Variants in RBFOX1 observed in about 807,000 individuals in gnomAD.
RBFOX1 encodes RNA binding fox-1 homolog 1.
RBFOX1 carries 8 observed loss-of-function variants against 57.7 expected under a neutral mutation model. The observed-to-expected ratio is 0.14, with a 90% CI of 0.08 to 0.25. The LOEUF (loss-of-function observed/expected upper bound fraction) is 0.25, where lower values mean the gene tolerates loss of function less well. Among genes scored for constraint, RBFOX1 ranks in the 10% least tolerant of loss-of-function variants. The probability of loss-of-function intolerance (pLI) is 1.00; values close to 1 mark genes in which losing one functional copy is unlikely to be tolerated. For synonymous variants in RBFOX1, 326 were observed against 222.4 expected, an observed-to-expected ratio of 1.47 and a Z score of -4.15; for missense variants, 611 against 548.5, an observed-to-expected ratio of 1.11 and a Z score of -1.14.
intron 4 of RBFOX1, among the ~76,000 whole-genome samples, chr16:7,201,590 G>T (rs1473809868): frequency 3.9e-5 from 6 of 151,950 alleles, no homozygotes; most frequent in Non-Finnish European, 5.9e-5. Flanking sequence ...AGCCTCCCAA[G>T]TGGCTGGGAT....
At chr16:5,523,349 T>G (rs4786035) in intron 2 of RBFOX1, among the ~76,000 whole-genome samples, 1 of 151,984 alleles carries the variant, frequency 6.6e-6, no homozygotes, top group Non-Finnish European at 1.5e-5. Flanking sequence ...GGCGCGGTGG[T>G]TTATGCCTGT....
chr16:6,908,949 C>T (rs1232849495), intron 3 of RBFOX1, among the ~76,000 whole-genome samples: 2 of 152,106 alleles, frequency 1.3e-5, no homozygotes, highest in Non-Finnish European at 2.9e-5. Context: ...ATCTGTGCTT[C>T]CCCCCAACAC....
At chr16:6,469,439 C>A (rs1346368950) in intron 2 of RBFOX1, among the ~76,000 whole-genome samples, 2 of 152,128 alleles carry the variant, frequency 1.3e-5, no homozygotes, top group Non-Finnish European at 2.9e-5. Flanking sequence ...GGATTTCCTT[C>A]GTTGATTGAG....
At chr16:5,960,509 G>A (rs550655101) in intron 4 of RBFOX1, among the ~76,000 whole-genome samples, 2 of 152,174 alleles carry the variant, frequency 1.3e-5, no homozygotes, top group African/African-American at 4.8e-5. Flanking sequence ...ACATTCCCCA[G>A]ATGTAGCTAT....
intron 1 of RBFOX1, among the ~76,000 whole-genome samples, chr16:5,393,579 T>A (rs976799704): frequency 6.6e-6 from 1 of 152,224 alleles, no homozygotes; most frequent in African/African-American, 2.4e-5. Context: ...TCTCTCAGCA[T>A]GGAGCAGACC....
At chr16:6,759,837 A>G (rs1423604440) in intron 3 of RBFOX1, among the ~76,000 whole-genome samples, 1 of 152,234 alleles carries the variant, frequency 6.6e-6, no homozygotes, top group Non-Finnish European at 1.5e-5. Context: ...TAATAGCAAG[A>G]CAGTGGAAAA....
intron 3 of RBFOX1, among the ~76,000 whole-genome samples, chr16:6,660,599 C>G (rs148135837): frequency 6.6e-6 from 1 of 152,052 alleles, no homozygotes; most frequent in East Asian, 1.9e-4. Context: ...ACTCTGTGAC[C>G]TTGAGAAGCT....
chr16:6,681,164 TA>T (rs2058594011), intron 3 of RBFOX1, among the ~76,000 whole-genome samples: 1 of 151,894 alleles, frequency 6.6e-6, no homozygotes, highest in South Asian at 2.1e-4. Context: ...ATACAAAAAT[TA>T]GCCAGGCATG....
intron 3 of RBFOX1, among the ~76,000 whole-genome samples, chr16:6,895,299 A>C (rs1048632755): frequency 1.3e-5 from 2 of 151,488 alleles, no homozygotes; most frequent in African/African-American, 4.8e-5. Context: ...AGCTCTAAAA[A>C]ATATATAAAA....
chr16:5,755,723 G>T (rs933800216), intron 3 of RBFOX1, among the ~76,000 whole-genome samples: 1 of 152,050 alleles, frequency 6.6e-6, no homozygotes, highest in Non-Finnish European at 1.5e-5. Flanking sequence ...CTCGGCCTCC[G>T]AAGTAGCTGG....
intron 2 of RBFOX1, among the ~76,000 whole-genome samples, chr16:6,403,490 A>G (rs2093159286): frequency 6.6e-6 from 1 of 151,946 alleles, no homozygotes; most frequent in Non-Finnish European, 1.5e-5. Flanking sequence ...GAACCTCCCC[A>G]GTAGCTGGGA....
In RBFOX1 at chr16:5,957,601, A is replaced by G. The variant is rs2059670630; in HGVS notation, c.351+90266A>G. 2.0e-5 allele frequency among the ~76,000 whole-genome samples: 3 copies of G among 152,222 alleles called. No individual in the cohort carries two copies. In the South Asian group the frequency reaches 6.2e-4, roughly 32 times the overall value. On this transcript the variant is annotated intron_variant, in intron 4 of 19. Transcript: ENST00000641259. ...TCATATGTGGAAGCAGGAGTCTCTC[A>G]GCAAGTAATCTTCAATCACTTGCAT...
intron 2 of RBFOX1, among the ~76,000 whole-genome samples, chr16:5,577,652 A>G (rs1318662698): frequency 6.6e-6 from 1 of 152,202 alleles, no homozygotes; most frequent in Non-Finnish European, 1.5e-5. Context: ...GATCATTTGC[A>G]AAATTTTAAA....
At chr16:5,698,652 TCTGTAGCAATA>T (rs1289458946) in intron 3 of RBFOX1, among the ~76,000 whole-genome samples, 1 of 152,156 alleles carries the variant, frequency 6.6e-6, no homozygotes, top group Non-Finnish European at 1.5e-5. Flanking sequence ...CAGATGAATG[TCTGTAGCAATA>T]CTGTTCACCA....
intron 1 of RBFOX1, among the ~76,000 whole-genome samples, chr16:6,160,669 G>A (rs1332369821): frequency 6.6e-6 from 1 of 152,128 alleles, no homozygotes; most frequent in East Asian, 1.9e-4. Flanking sequence ...AAAGCTGGAG[G>A]TCCTCATCCT....
intron 2 of RBFOX1, among the ~76,000 whole-genome samples, chr16:6,554,757 C>G (rs1277785551): frequency 1.4e-5 from 2 of 145,228 alleles, no homozygotes; most frequent in Non-Finnish European, 3.0e-5. Flanking sequence ...CACACACACA[C>G]AGACACACAC....
At chr16:5,958,202 G>T (rs2059684117) in intron 4 of RBFOX1, among the ~76,000 whole-genome samples, 1 of 152,208 alleles carries the variant, frequency 6.6e-6, no homozygotes, top group Non-Finnish European at 1.5e-5. Context: ...TCAAAGGGGT[G>T]CTATAAATGT....
intron 4 of RBFOX1, among the ~76,000 whole-genome samples, chr16:5,908,125 T>TATATATATACATATATATACAC (rs2058511408): frequency 9.0e-6 from 1 of 111,154 alleles, no homozygotes; most frequent in Admixed American, 9.4e-5. Context: ...TATATACACA[T>TATATATATACATATATATACAC]ATATATATAC....
At chr16:6,812,059 T>C (rs964920885) in intron 3 of RBFOX1, among the ~76,000 whole-genome samples, 3 of 152,078 alleles carry the variant, frequency 2.0e-5, no homozygotes, top group Non-Finnish European at 2.9e-5. Context: ...GTTTCATGTA[T>C]CACCATATAA....
Sources: allele counts gnomAD v4.1 joint callset (sites outside exome capture counted in the v4.1 genomes callset), GRCh38; gene constraint gnomAD v4.1.1; transcripts MANE v1.5; gene names NCBI Gene and HGNC (gene_info 2026-07-23, HGNC 2026-07-21).